Variants in EXT1 observed in about 807,000 individuals in gnomAD.
EXT1 encodes exostosin glycosyltransferase 1.
Under a neutral mutation model 82.5 loss-of-function variants are expected in EXT1, and 20 were observed. The observed-to-expected ratio is 0.24, with a 90% CI of 0.17 to 0.35. The LOEUF is 0.35. EXT1 is among the 10% of genes least tolerant of loss of function. EXT1 has a pLI of 1.00. For synonymous variants in EXT1, 348 were observed against 350.8 expected, an observed-to-expected ratio of 0.99 and a Z score of 0.09; for missense variants, 757 against 936.5, an observed-to-expected ratio of 0.81 and a Z score of 2.50.
chr8:117,939,724 G>T (rs748572185), intron 1 of EXT1, among the ~76,000 whole-genome samples: 1 of 152,166 alleles, frequency 6.6e-6, no homozygotes, highest in Non-Finnish European at 1.5e-5. Flanking sequence ...CCAATGTCCT[G>T]TGCACTTTCT....
intron 1 of EXT1, among the ~76,000 whole-genome samples, chr8:117,851,489 T>G (rs1812452572): frequency 6.6e-6 from 1 of 151,758 alleles, no homozygotes. Flanking sequence ...ATGGGGGTTT[T>G]AGTTGGTGCC....
chr8:117,955,366 A>C (rs544825173), intron 1 of EXT1, among the ~76,000 whole-genome samples: 2 of 152,122 alleles, frequency 1.3e-5, no homozygotes, highest in Non-Finnish European at 2.9e-5. Flanking sequence ...CCAAGCTTCT[A>C]ATGACAGTTT....
chr8:117,814,330 T>G (rs1196571661), intron 7 of EXT1, among the ~76,000 whole-genome samples: 1 of 151,676 alleles, frequency 6.6e-6, no homozygotes, highest in African/African-American at 2.4e-5. Flanking sequence ...CCTGTGATAG[T>G]CACAACTTAA....
At chr8:118,107,267 G>A (rs1232133725) in intron 1 of EXT1, among the ~76,000 whole-genome samples, 1 of 152,126 alleles carries the variant, frequency 6.6e-6, no homozygotes, top group Non-Finnish European at 1.5e-5. Context: ...TTGCTTGAGG[G>A]AGCAAATTAA....
At chr8:118,088,037 T>C (rs1303900717) in intron 1 of EXT1, among the ~76,000 whole-genome samples, 2 of 152,102 alleles carry the variant, frequency 1.3e-5, no homozygotes, top group Non-Finnish European at 2.9e-5. Context: ...TTAATACTGT[T>C]TGAAGCCAGC....
At chr8:117,915,728 T>C (rs1441686739) in intron 1 of EXT1, among the ~76,000 whole-genome samples, 2 of 152,106 alleles carry the variant, frequency 1.3e-5, no homozygotes, top group Admixed American at 6.5e-5. Context: ...TGGTGGCGCA[T>C]GCCTGTGGTC....
Position 117,804,806 on chromosome 8 carries a change from C to G in EXT1, c.1971G>C (p.Met657Ile), listed in dbSNP as rs1390390714. The change falls in exon 10 of 11, where the codon ATG (methionine) becomes ATC (isoleucine). Residue 657 changes from methionine to isoleucine, a missense_variant. Around this residue, in one of 4 missense-constraint regions of EXT1, gnomAD observed 128 missense variants for 223.2 expected, o/e 0.57. Coordinates refer to ENST00000378204, the MANE Select transcript of EXT1 (RefSeq NM_000127.3). ...TTGTCACAGCAGACACCAGGAAGTT[C>G]ATGAGAATGTCCTCACAATTGGCCA... ...DQLANCEDILMNFLVSAVTKL... is the reference protein window; with the variant it reads ...DQLANCEDILINFLVSAVTKL... 1 of 1,614,002 alleles carries G rather than the reference C, an allele frequency of 6.2e-7. No homozygotes were observed. Among genetic ancestry groups the G allele is most frequent in the Non-Finnish European group, 8.5e-7 (1 of 1,179,994 alleles).
chr8:117,964,983 G>C (rs1376998747), intron 1 of EXT1, among the ~76,000 whole-genome samples: 2 of 152,018 alleles, frequency 1.3e-5, no homozygotes, highest in Non-Finnish European at 2.9e-5. Flanking sequence ...GTGCCTAGAA[G>C]GATGTCTCCT....
intron 1 of EXT1, among the ~76,000 whole-genome samples, chr8:117,965,696 G>A (rs530404410): frequency 1.3e-5 from 2 of 152,166 alleles, no homozygotes; most frequent in East Asian, 3.9e-4. Flanking sequence ...TATGTAACAG[G>A]CTCAATACAT....
rs2130041760 is a variant in EXT1, at chr8:118,110,254, C to T, written c.793G>A (p.Val265Ile). Residue 265 changes from valine (V) to isoleucine (I), a missense_variant, in exon 1 of 11, where the codon GTA becomes ATA. This residue lies in a region of EXT1 where 247 missense variants were observed against 330.1 expected (regional missense o/e 0.75). Coordinates refer to ENST00000378204, the MANE Select transcript of EXT1 (RefSeq NM_000127.3). ...TIPPLRKYML[V>I]FKGKRYLTGI... ...GTCAGGTACCTCTTCCCCTTGAATA[C>T]CAGCATGTACTTCCTGAGAGGAGGG... 1 of 1,614,162 alleles carries T rather than the reference C, an allele frequency of 6.2e-7. No individual in the cohort carries two copies. The highest frequency in any genetic ancestry group is 8.5e-7 in the Non-Finnish European group (1 of 1,180,044).
At chr8:117,834,310 A>G (rs1812148962) in intron 3 of EXT1, among the ~76,000 whole-genome samples, 1 of 152,150 alleles carries the variant, frequency 6.6e-6, no homozygotes, top group Admixed American at 6.5e-5. Flanking sequence ...GAGAATCAAC[A>G]ACAGACTTAA....
chr8:117,881,088 G>A (rs780387099), intron 1 of EXT1, among the ~76,000 whole-genome samples: 5 of 152,126 alleles, frequency 3.3e-5, no homozygotes, highest in African/African-American at 4.8e-5. Context: ...TGGAATGTAT[G>A]CTCAACAAGG....
chr8:117,943,927 G>A (rs1703516730), intron 1 of EXT1, among the ~76,000 whole-genome samples: 1 of 152,158 alleles, frequency 6.6e-6, no homozygotes, highest in African/African-American at 2.4e-5. Context: ...ACCTCACCAA[G>A]CTGTATGGTT....
chr8:118,005,766 C>G (rs1418653897), intron 1 of EXT1, among the ~76,000 whole-genome samples: 1 of 152,180 alleles, frequency 6.6e-6, no homozygotes, highest in Non-Finnish European at 1.5e-5. Flanking sequence ...AAAATGATTG[C>G]AAACTCTGCA....
intron 1 of EXT1, among the ~76,000 whole-genome samples, chr8:118,003,996 G>C (rs899285102): frequency 2.0e-5 from 3 of 151,902 alleles, no homozygotes; most frequent in African/African-American, 4.8e-5. Context: ...TCAATAACTA[G>C]AGCCCTTTAA....
intron 1 of EXT1, among the ~76,000 whole-genome samples, chr8:118,038,283 G>C (rs1365069485): frequency 6.6e-6 from 1 of 152,178 alleles, no homozygotes; most frequent in Non-Finnish European, 1.5e-5. Flanking sequence ...GTGGGTAAAT[G>C]ACTAAAATAA....
Position 118,012,260 on chromosome 8 carries a change from T to C in EXT1, c.962+97825A>G, listed in dbSNP as rs560858309. ...ATCATCAAGAATTTAGAAGCCTTGC[T>C]GAAAGTTTCCACTGCACACAGAAGA... On this transcript the variant is annotated intron_variant, in intron 1 of 10. Coordinates refer to ENST00000378204, the MANE Select transcript of EXT1 (RefSeq NM_000127.3). 2.6e-4 allele frequency among the ~76,000 whole-genome samples: 40 copies of C among 152,372 alleles called. No individual in the cohort carries two copies. In the South Asian group the frequency reaches 4.6e-3, roughly 17 times the overall value.
intron 1 of EXT1, among the ~76,000 whole-genome samples, chr8:117,871,570 C>T (rs1225490192): frequency 3.9e-5 from 6 of 152,274 alleles, no homozygotes; most frequent in East Asian, 3.9e-4. Flanking sequence ...TACACAAGAG[C>T]GGGACCTCAC....
At chr8:117,896,203 T>G (rs1384555710) in intron 1 of EXT1, among the ~76,000 whole-genome samples, 1 of 152,198 alleles carries the variant, frequency 6.6e-6, no homozygotes, top group African/African-American at 2.4e-5. Flanking sequence ...TGTGTGCACA[T>G]GCATGCACAA....
Sources: allele counts gnomAD v4.1 joint callset (sites outside exome capture counted in the v4.1 genomes callset), GRCh38; gene constraint gnomAD v4.1.1; regional missense constraint gnomAD v4.1.1; transcripts MANE v1.5; gene names NCBI Gene and HGNC (gene_info 2026-07-23, HGNC 2026-07-21).